The following XKR9 variants were observed in gnomAD, a reference collection of about 807,000 sequenced individuals.
XKR9 encodes XK-related protein 9.
In XKR9, 32 loss-of-function variants were observed where a neutral mutation model predicts 32.0. The ratio of observed to expected loss-of-function variants is 1.00; its 90% CI spans 0.76 to 1.34. XKR9 has a LOEUF of 1.34. Among genes scored for constraint, XKR9 ranks in the 40% most tolerant of loss-of-function variants. The pLI is 0.00. For synonymous variants in XKR9, 168 were observed against 143.4 expected, an observed-to-expected ratio of 1.17 and a Z score of -1.22; for missense variants, 546 against 429.7, an observed-to-expected ratio of 1.27 and a Z score of -2.39.
At chr8:70,748,906 C>T (rs1807096146) in intron 2 of XKR9, among the ~76,000 whole-genome samples, 1 of 152,182 alleles carries the variant, frequency 6.6e-6, no homozygotes, top group Admixed American at 6.5e-5. Context: ...TGGGGAGGAG[C>T]TACCTACTTC....
chr8:70,776,163 A>C (rs1414815747), intron 2 of XKR9, among the ~76,000 whole-genome samples: 2 of 152,108 alleles, frequency 1.3e-5, no homozygotes, highest in Non-Finnish European at 2.9e-5. Context: ...GTTCTTTTTA[A>C]AACTCTTTGC....
chr8:70,862,311 A>C, the XKR9 span, among the ~76,000 whole-genome samples: 200 of 152,278 alleles, frequency 1.3e-3, 3 homozygotes, highest in East Asian at 0.035. Flanking sequence ...ATAGTCTCTT[A>C]TAAGTCGCTG....
At chr8:70,678,888 T>C (rs944519996) in intron 2 of XKR9, among the ~76,000 whole-genome samples, 33 of 152,240 alleles carry the variant, frequency 2.2e-4, no homozygotes, top group African/African-American at 7.7e-4. Context: ...TTCACCTTGG[T>C]GTGTTTAAAG....
the XKR9 span, among the ~76,000 whole-genome samples, chr8:71,043,171 TC>T: frequency 3.3e-4 from 50 of 152,216 alleles, no homozygotes; most frequent in African/African-American, 1.2e-3. Flanking sequence ...AATTCACTGT[TC>T]CCCCAGTGCC....
In XKR9 at chr8:70,772,058, G is replaced by A. The variant is rs191657036; in HGVS notation, n.353-17281G>A. 4.3e-4 allele frequency among the ~76,000 whole-genome samples: 65 copies of A among 152,228 alleles called. No individual in the cohort carries two copies. The East Asian group carries it at 0.012, about 27-fold the overall frequency. On this transcript the variant is annotated intron_variant and non_coding_transcript_variant, in intron 2 of 3. Coordinates refer to the XKR9 transcript ENST00000520273. ...ATACTTTTATAGTTAAATTTTATTT[G>A]AGATGGTCCATCCAAGTACCAGACT...
chr8:70,762,174 T>C (rs929439734), intron 2 of XKR9, among the ~76,000 whole-genome samples: 1 of 152,154 alleles, frequency 6.6e-6, no homozygotes, highest in African/African-American at 2.4e-5. Flanking sequence ...TTGCCTTGGG[T>C]ATTTGGGCTT....
chr8:70,842,066 C>T, the XKR9 span, among the ~76,000 whole-genome samples: 1 of 152,246 alleles, frequency 6.6e-6, no homozygotes, highest in African/African-American at 2.4e-5. Flanking sequence ...AAATAGATAT[C>T]TCATTCCTAC....
At chr8:70,854,245 T>A in the XKR9 span, among the ~76,000 whole-genome samples, 1 of 152,220 alleles carries the variant, frequency 6.6e-6, no homozygotes, top group Non-Finnish European at 1.5e-5. Flanking sequence ...GTTATCTCAT[T>A]GTGGTTTTGA....
At chr8:70,732,363 C>T (rs896982215) in intron 4 of XKR9, among the ~76,000 whole-genome samples, 14 of 152,220 alleles carry the variant, frequency 9.2e-5, no homozygotes, top group African/African-American at 2.9e-4. Flanking sequence ...GGACTATTTC[C>T]GTATTACAAT....
chr8:70,796,550 G>A, the XKR9 span, among the ~76,000 whole-genome samples: 108 of 151,078 alleles, frequency 7.1e-4, 2 homozygotes, highest in East Asian at 0.014. Context: ...TTTCTTTTTC[G>A]TTTGTTTTAA....
At chr8:71,007,198 G>A in the XKR9 span, among the ~76,000 whole-genome samples, 3,667 of 152,290 alleles carry the variant, frequency 0.024, 148 homozygotes, top group African/African-American at 0.083. Context: ...CCTTCTGGTG[G>A]CCAAGAATGC....
the XKR9 span, among the ~76,000 whole-genome samples, chr8:70,985,734 A>G: frequency 2.6e-5 from 4 of 152,210 alleles, no homozygotes; most frequent in Non-Finnish European, 5.9e-5. Flanking sequence ...AGAATTAAAA[A>G]TAAAAACAAG....
At chr8:70,853,514 A>C in the XKR9 span, among the ~76,000 whole-genome samples, 28 of 151,894 alleles carry the variant, frequency 1.8e-4, 1 homozygote, top group Admixed American at 1.6e-3. Flanking sequence ...CTAAAAAAAA[A>C]CCCCAACAAA....
chr8:70,825,146 C>G, the XKR9 span, among the ~76,000 whole-genome samples: 33 of 152,078 alleles, frequency 2.2e-4, no homozygotes, highest in African/African-American at 7.9e-4. Context: ...GTTCACTTTC[C>G]TCTGAGTTAT....
intron 4 of XKR9, among the ~76,000 whole-genome samples, chr8:70,710,719 C>A (rs537537733): frequency 4.5e-4 from 67 of 148,506 alleles, no homozygotes; most frequent in Non-Finnish European, 8.7e-4. Flanking sequence ...ACAACAACAA[C>A]AACAAAAACA....
chr8:70,696,426 T>A (rs1225430659), intron 3 of XKR9, among the ~76,000 whole-genome samples: 2 of 151,772 alleles, frequency 1.3e-5, no homozygotes, highest in Non-Finnish European at 2.9e-5. Context: ...CCAGCACCAT[T>A]TATTAAATAG....
chr8:70,785,844 A>G (rs4424298), intron 2 of XKR9, among the ~76,000 whole-genome samples: 9,461 of 150,014 alleles, frequency 0.063, 420 homozygotes, highest in Non-Finnish European at 0.089. Flanking sequence ...ATATTTATAT[A>G]TTTTCTATGT....
At chr8:71,022,275 G>A in the XKR9 span, among the ~76,000 whole-genome samples, 2 of 152,032 alleles carry the variant, frequency 1.3e-5, no homozygotes, top group Admixed American at 6.6e-5. Context: ...TTTCTTTCTG[G>A]TATAGGACTC....
chr8:70,767,744 G>A (rs1374336721), intron 2 of XKR9, among the ~76,000 whole-genome samples: 2 of 151,852 alleles, frequency 1.3e-5, no homozygotes, highest in African/African-American at 2.4e-5. Flanking sequence ...CTCGTTTTCT[G>A]CCTGTTTCAG....
Sources: gnomAD v4.1 joint callset for allele counts (sites outside exome capture counted in the v4.1 genomes callset) on GRCh38, gnomAD v4.1.1 for gene constraint, MANE v1.5 for transcripts, NCBI Gene and HGNC (gene_info 2026-07-23, HGNC 2026-07-21) for gene names.